The following EPHB2 variants were observed in gnomAD, a reference collection of about 807,000 sequenced individuals.
EPHB2 encodes EPH receptor B2, also known as ephrin type-B receptor 2.
A neutral mutation model predicts 96.4 loss-of-function variants in EPHB2; 18 were observed. The ratio of observed to expected loss-of-function variants is 0.19; its 90% CI spans 0.13 to 0.28. The LOEUF is 0.28. Ranked by LOEUF, EPHB2 falls within the 10% of genes least tolerant of loss-of-function variation. EPHB2 has a pLI of 1.00. For synonymous variants in EPHB2, 506 were observed against 534.1 expected, an observed-to-expected ratio of 0.95 and a Z score of 0.72; for missense variants, 989 against 1,355.4, an observed-to-expected ratio of 0.73 and a Z score of 4.25.
intron 3 of EPHB2, among the ~76,000 whole-genome samples, chr1:22,816,579 C>G (rs1645078121): frequency 6.6e-6 from 1 of 152,178 alleles, no homozygotes; most frequent in Non-Finnish European, 1.5e-5. Flanking sequence ...CTGCCACCCT[C>G]CCACCTGGAC....
At chr1:22,804,095 G>A (rs1324683598) in intron 3 of EPHB2, among the ~76,000 whole-genome samples, 1 of 152,198 alleles carries the variant, frequency 6.6e-6, no homozygotes, top group East Asian at 1.9e-4. Context: ...CCAAGAGGCA[G>A]AAGGGCTTGT....
At chr1:22,732,119 G>A (rs1643730566) in intron 1 of EPHB2, among the ~76,000 whole-genome samples, 1 of 152,224 alleles carries the variant, frequency 6.6e-6, no homozygotes, top group Non-Finnish European at 1.5e-5. Flanking sequence ...ACCTTCCTGA[G>A]CTCCAGAGGT....
intron 7 of EPHB2, among the ~76,000 whole-genome samples, chr1:22,895,175 C>CTG (rs1018810283): frequency 2.6e-5 from 4 of 152,150 alleles, no homozygotes; most frequent in African/African-American, 9.7e-5. Flanking sequence ...TTTTAACTGC[C>CTG]TGTGTGTGTG....
intron 1 of EPHB2, among the ~76,000 whole-genome samples, chr1:22,773,165 A>G (rs1644402174): frequency 6.6e-6 from 1 of 152,212 alleles, no homozygotes; most frequent in South Asian, 2.1e-4. Flanking sequence ...AGTGAAGTAT[A>G]CAGAGCAAGG....
chr1:22,904,041 A>G lies in EPHB2; in HGVS notation c.1766-1946A>G, dbSNP rs754696555. On this transcript the variant is annotated intron_variant, in intron 9 of 15. Coordinates refer to ENST00000374630, the MANE Select transcript of EPHB2 (RefSeq NM_017449.5). ...GGTGGCTCATGCCTGTAATCCCAGC[A>G]CTTCGGGAGGCCGAGGCAAGTGGAT... Among the ~76,000 whole-genome samples the G allele has an allele frequency of 5.7e-4, 87 of 152,346 alleles. 1 individual carries two copies. The highest frequency in any genetic ancestry group is 1.4e-3 in the Admixed American group (21 of 15,304).
chr1:22,764,608 TGG>T (rs1644281031), intron 1 of EPHB2, among the ~76,000 whole-genome samples: 1 of 151,964 alleles, frequency 6.6e-6, no homozygotes, highest in African/African-American at 2.4e-5. Flanking sequence ...TACCTGGGTG[TGG>T]TGGCTCGCAC....
intron 3 of EPHB2, among the ~76,000 whole-genome samples, chr1:22,809,243 A>G (rs1026954693): frequency 6.6e-5 from 10 of 152,166 alleles, no homozygotes; most frequent in African/African-American, 2.4e-4. Context: ...AGAGAAGGGA[A>G]AATTAACGAG....
chr1:22,784,781 C>A lies in EPHB2; in HGVS notation c.516C>A (p.Ser172Arg). 6.2e-7 allele frequency: 1 copy of A among 1,606,042 alleles called. No homozygotes were observed. Among genetic ancestry groups the A allele is most frequent in the Non-Finnish European group, 8.5e-7 (1 of 1,174,476 alleles). ...EVRSFGPVSR[S>R]GFYLAFQDYG... ...GGAGCTTCGGACCTGTGTCCCGCAGCGGCTTCTACCTGGCCTTCCAGGACT... is the reference window on the plus strand; with the variant it reads ...GGAGCTTCGGACCTGTGTCCCGCAGAGGCTTCTACCTGGCCTTCCAGGACT... Residue 172 changes from serine (S) to arginine (R), a missense_variant, in exon 3 of 16, where the codon AGC becomes AGA. Physicochemically the swap from Ser to Arg is moderately radical, Grantham distance 110. Coordinates refer to ENST00000374630, the MANE Select transcript of EPHB2 (RefSeq NM_017449.5). The surrounding 1 kb of genome is among the most constrained non-coding windows in gnomAD (Gnocchi z 5.1).
At position 22,906,822 on chromosome 1, in the gene EPHB2, C is replaced by T. The variant is rs1639932276; in HGVS notation, c.2001C>T (p.Phe667=). Residue 667 remains phenylalanine (F), a synonymous_variant, in exon 11 of 16, where the codon TTC becomes TTT. Coordinates refer to ENST00000374630, the MANE Select transcript of EPHB2 (RefSeq NM_017449.5). The surrounding 1 kb of genome is among the most constrained non-coding windows in gnomAD (Gnocchi z 4.8). ...ACACGGAGAAGCAGCGCCGGGACTT[C>T]CTGAGCGAAGCCTCCATCATGGGCC... ...SGYTEKQRRD[F]LSEASIMGQF... 1.2e-6 allele frequency: 2 copies of T among 1,614,204 alleles called. No homozygotes were observed. The highest frequency in any genetic ancestry group is 2.2e-5 in the South Asian group (2 of 91,082).
chr1:22,804,890 C>G (rs1241381772), intron 3 of EPHB2, among the ~76,000 whole-genome samples: 1 of 151,972 alleles, frequency 6.6e-6, no homozygotes, highest in Admixed American at 6.5e-5. Flanking sequence ...TTGTCTCTCT[C>G]CCCGTCTCTC....
intron 9 of EPHB2, among the ~76,000 whole-genome samples, chr1:22,904,485 C>G (rs1374068302): frequency 6.6e-6 from 1 of 152,164 alleles, no homozygotes; most frequent in Non-Finnish European, 1.5e-5. Flanking sequence ...AGATCTCCTA[C>G]TGCTCATACT....
intron 3 of EPHB2, among the ~76,000 whole-genome samples, chr1:22,821,424 A>T (rs1021055130): frequency 6.6e-6 from 1 of 152,158 alleles, no homozygotes; most frequent in Non-Finnish European, 1.5e-5. Context: ...TTAGATGGAA[A>T]TTTACAGTGC....
At chr1:22,830,356 G>A (rs1474089845) in intron 3 of EPHB2, among the ~76,000 whole-genome samples, 1 of 152,144 alleles carries the variant, frequency 6.6e-6, no homozygotes, top group African/African-American at 2.4e-5. Context: ...AGAGGAGGAG[G>A]CCATGCGCAC....
At chr1:22,842,093 G>T (rs1037026287) in intron 3 of EPHB2, among the ~76,000 whole-genome samples, 1 of 152,110 alleles carries the variant, frequency 6.6e-6, no homozygotes, top group East Asian at 1.9e-4. Context: ...ATGGAGCAAA[G>T]AGCTGTCGGG....
intron 6 of EPHB2, among the ~76,000 whole-genome samples, chr1:22,884,242 A>G (rs1639148788): frequency 6.6e-6 from 1 of 152,176 alleles, no homozygotes; most frequent in Non-Finnish European, 1.5e-5. Context: ...GCGGTGGCTC[A>G]CGCCTGTAAT....
intron 1 of EPHB2, among the ~76,000 whole-genome samples, chr1:22,717,797 C>T (rs371202472): frequency 4.6e-5 from 7 of 152,352 alleles, no homozygotes; most frequent in African/African-American, 1.7e-4. Context: ...ATCACTTTCT[C>T]TCCTGTTCTA....
In EPHB2 at chr1:22,846,785, T is replaced by C. The variant is rs1450334423; in HGVS notation, c.812-16252T>C. Among the ~76,000 whole-genome samples the C allele has an allele frequency of 1.3e-5, 2 of 152,206 alleles. No homozygotes were observed. Among genetic ancestry groups the C allele is most frequent in the African/African-American group, 4.8e-5 (2 of 41,454 alleles). On this transcript the variant is annotated intron_variant, in intron 3 of 15. Coordinates refer to ENST00000374630, the MANE Select transcript of EPHB2 (RefSeq NM_017449.5). This position sits in a 1 kb window ranked among gnomAD's most constrained non-coding sequence, Gnocchi z 4.3. ...TCTTAGTCTTCCAACGCAGCTCAAGTGTTTGCACCTCCAGGAAACCACAGT... is the reference window on the plus strand; with the variant it reads ...TCTTAGTCTTCCAACGCAGCTCAAGCGTTTGCACCTCCAGGAAACCACAGT...
intron 3 of EPHB2, among the ~76,000 whole-genome samples, chr1:22,811,899 C>A (rs1645007717): frequency 6.6e-6 from 1 of 152,172 alleles, no homozygotes; most frequent in Non-Finnish European, 1.5e-5. Flanking sequence ...ACCAGACAGA[C>A]ATGATGGCAT....
intron 3 of EPHB2, among the ~76,000 whole-genome samples, chr1:22,805,016 A>G (rs1334026726): frequency 1.2e-4 from 18 of 151,942 alleles, no homozygotes; most frequent in Non-Finnish European, 1.5e-5. Flanking sequence ...ACCCAGACAC[A>G]TTGGGGTCAG....
Sources: allele counts gnomAD v4.1 joint callset (sites outside exome capture counted in the v4.1 genomes callset), GRCh38; gene constraint gnomAD v4.1.1; non-coding constraint Gnocchi (gnomAD v3.1); transcripts MANE v1.5; gene names NCBI Gene and HGNC (gene_info 2026-07-23, HGNC 2026-07-21).